TMEM217: variants seen among roughly 807,000 people sequenced by gnomAD.
The protein encoded by TMEM217 is transmembrane protein 217.
For synonymous variants in TMEM217, 76 were observed against 88.3 expected (o/e 0.86, Z 0.78); for missense variants, 204 against 248.8 (o/e 0.82, Z 1.21).
chr6:37,212,445 A>G (rs1762958782), exon 4 of TMEM217: 1 of 434,786 alleles, frequency 2.3e-6, no homozygotes, highest in Non-Finnish European at 4.6e-6. Context: ...ACATTCCCAG[A>G]CGGACAGGTA....
exon 2 of TMEM217, chr6:37,218,520 T>C: frequency 1.9e-6 from 3 of 1,614,170 alleles, no homozygotes; most frequent in East Asian, 2.2e-5. Flanking sequence ...ATCTCCGCTG[T>C]AGAAATTCGT....
chr6:37,229,347 T>TTTGTTG (rs977265921), intron 1 of TMEM217, among the ~76,000 whole-genome samples: 6 of 131,134 alleles, frequency 4.6e-5, no homozygotes, highest in Non-Finnish European at 9.7e-5. Flanking sequence ...TTTTTTTTTT[T>TTTGTTG]TTTTTTTTTT....
downstream of TMEM217, among the ~76,000 whole-genome samples, chr6:37,213,599 A>G (rs1173926921): frequency 6.6e-6 from 1 of 152,252 alleles, no homozygotes. Flanking sequence ...TGCCTTAACA[A>G]TAAGCCACCA....
intron 1 of TMEM217, among the ~76,000 whole-genome samples, chr6:37,247,515 G>A (rs1249571339): frequency 6.6e-6 from 1 of 151,556 alleles, no homozygotes; most frequent in East Asian, 1.9e-4. Flanking sequence ...AGCCTCCCAA[G>A]TAGCTGGGAC....
At chr6:37,217,287 C>T (rs1029199941), downstream of TMEM217, among the ~76,000 whole-genome samples, 2 of 152,178 alleles carry the variant, frequency 1.3e-5, no homozygotes, top group Non-Finnish European at 2.9e-5. Context: ...GAGCCAGACT[C>T]GGTCTCAAAA....
At chr6:37,222,615 G>C (rs1361614013) in intron 1 of TMEM217, among the ~76,000 whole-genome samples, 1 of 152,212 alleles carries the variant, frequency 6.6e-6, no homozygotes, top group Non-Finnish European at 1.5e-5. Context: ...AGCTGCAGCT[G>C]CACCTGGGAG....
chr6:37,231,307 T>G (rs918680296), intron 1 of TMEM217, among the ~76,000 whole-genome samples: 2 of 146,174 alleles, frequency 1.4e-5, no homozygotes, highest in African/African-American at 5.1e-5. Context: ...TGACCTCAAG[T>G]GATCCACCTG....
intron 1 of TMEM217, among the ~76,000 whole-genome samples, chr6:37,249,022 G>A (rs1765246110): frequency 6.6e-6 from 1 of 152,152 alleles, no homozygotes; most frequent in Admixed American, 6.5e-5. Context: ...TGGTCACACT[G>A]CCTCCTTCTC....
At chr6:37,247,805 T>A (rs901407318) in intron 1 of TMEM217, among the ~76,000 whole-genome samples, 4 of 152,178 alleles carry the variant, frequency 2.6e-5, no homozygotes, top group Non-Finnish European at 5.9e-5. Context: ...GTTTACCAAC[T>A]CCTGAGAGTC....
intron 1 of TMEM217, among the ~76,000 whole-genome samples, chr6:37,257,098 T>C (rs1765791882): frequency 6.6e-6 from 1 of 152,218 alleles, no homozygotes; most frequent in Non-Finnish European, 1.5e-5. Context: ...TATTTGGTAA[T>C]CTGAGTTGGA....
chr6:37,231,611 G>T (rs1764208640), intron 1 of TMEM217, among the ~76,000 whole-genome samples: 1 of 148,368 alleles, frequency 6.7e-6, no homozygotes, highest in Non-Finnish European at 1.5e-5. Flanking sequence ...AGGTGGGGTT[G>T]CGGTGAGCCG....
At chr6:37,217,833 A>T (rs1264955641) in exon 2 of TMEM217, 1 of 985,372 alleles carries the variant, frequency 1.0e-6, no homozygotes, top group Non-Finnish European at 1.2e-6. Flanking sequence ...AGATGCCAAG[A>T]AAAAAGGATT....
In TMEM217 at chr6:37,218,589, TG is replaced by T. The variant is rs768641017; in HGVS notation, c.441del (p.Asn148ThrfsTer5). 10 of 1,614,188 alleles carry T rather than the reference TG, an allele frequency of 6.2e-6. No individual in the cohort carries two copies. Among genetic ancestry groups the T allele is most frequent in the Non-Finnish European group, 8.5e-6 (10 of 1,180,042 alleles). ...TTTTTGTAGGTTATGTGGGCATAGT[TG>T]ATGACAAAGAACATCCAGAAACAGT... On this transcript the variant is annotated frameshift_variant, in exon 2 of 2. Coordinates refer to ENST00000357219, the Ensembl canonical transcript of TMEM217. LOFTEE classifies it low-confidence loss of function (END_TRUNC).
At chr6:37,212,288 T>A (rs1348081689) in exon 4 of TMEM217, 1 of 351,154 alleles carries the variant, frequency 2.8e-6, no homozygotes, top group Non-Finnish European at 5.6e-6. Flanking sequence ...CGAGAATCAT[T>A]CCTCAGTGCG....
intron 1 of TMEM217, among the ~76,000 whole-genome samples, chr6:37,224,453 C>T (rs1430861039): frequency 4.0e-5 from 6 of 150,922 alleles, no homozygotes; most frequent in African/African-American, 1.5e-4. Context: ...AAAAAATTAG[C>T]CGGGCGTGGT....
chr6:37,254,059 T>C (rs982624379), intron 1 of TMEM217, among the ~76,000 whole-genome samples: 2 of 152,164 alleles, frequency 1.3e-5, no homozygotes, highest in African/African-American at 4.8e-5. Flanking sequence ...ACTCTTGAGA[T>C]AAAGTAAACA....
At chr6:37,220,698 T>C (rs529142423) in intron 1 of TMEM217, among the ~76,000 whole-genome samples, 4 of 152,194 alleles carry the variant, frequency 2.6e-5, no homozygotes, top group Non-Finnish European at 5.9e-5. Context: ...TGTACTTTTA[T>C]GCTGGTCTTC....
chr6:37,236,721 A>G (rs1764528215), intron 1 of TMEM217, among the ~76,000 whole-genome samples: 1 of 152,074 alleles, frequency 6.6e-6, no homozygotes, highest in Non-Finnish European at 1.5e-5. Context: ...ACTTAGTAGC[A>G]TAAGATAACC....
intron 1 of TMEM217, among the ~76,000 whole-genome samples, chr6:37,246,379 T>C (rs1396556766): frequency 6.6e-6 from 1 of 152,180 alleles, no homozygotes; most frequent in African/African-American, 2.4e-5. Context: ...GGGCATGCTC[T>C]TCTCATAGTG....
Sources: gnomAD v4.1 joint callset for allele counts (sites outside exome capture counted in the v4.1 genomes callset) on GRCh38, gnomAD v4.1.1 for gene constraint, MANE v1.5 for transcripts, NCBI Gene and HGNC (gene_info 2026-07-23, HGNC 2026-07-21) for gene names.